The following ACCSL variants were observed in gnomAD, a reference collection of about 807,000 sequenced individuals.
ACCSL encodes 1-aminocyclopropane-1-carboxylate synthase homolog (inactive) like.
ACCSL carries 55 observed loss-of-function variants against 61.7 expected under a neutral mutation model. The ratio of observed to expected loss-of-function variants is 0.89; its 90% CI spans 0.72 to 1.12. The LOEUF is 1.12. Ranked by LOEUF, ACCSL falls within the 50% of genes most tolerant of loss-of-function variation. ACCSL has a pLI of 0.00. For missense variants in ACCSL, 632 were observed against 698.0 expected (o/e 0.91, Z 1.07); for synonymous variants, 258 against 264.3 (o/e 0.98, Z 0.23).
chr11:43,986,866 C>A, the ACCSL span, among the ~76,000 whole-genome samples: 2 of 152,148 alleles, frequency 1.3e-5, no homozygotes, highest in Non-Finnish European at 2.9e-5. Flanking sequence ...GTATGAGACA[C>A]CCCAATAAAC....
the ACCSL span, among the ~76,000 whole-genome samples, chr11:44,038,550 G>A: frequency 6.6e-6 from 1 of 152,122 alleles, no homozygotes; most frequent in South Asian, 2.1e-4. Context: ...GGGGGAACAA[G>A]AAATCCTGGT....
the ACCSL span, chr11:43,944,121 C>T: frequency 3.0e-6 from 1 of 331,032 alleles, no homozygotes; most frequent in Non-Finnish European, 5.8e-6. Flanking sequence ...TTCCCCATCG[C>T]CGGCATCCGG....
chr11:44,010,207 G>T, the ACCSL span, among the ~76,000 whole-genome samples: 1 of 152,146 alleles, frequency 6.6e-6, no homozygotes, highest in African/African-American at 2.4e-5. Flanking sequence ...AGGCATGGTG[G>T]CACATGCCTG....
chr11:44,021,914 G>C, the ACCSL span, among the ~76,000 whole-genome samples: 10 of 152,064 alleles, frequency 6.6e-5, no homozygotes, highest in African/African-American at 2.4e-4. Context: ...CTTTGTTGAA[G>C]ATAATTTGCT....
At chr11:44,006,989 A>G in the ACCSL span, among the ~76,000 whole-genome samples, 70 of 152,322 alleles carry the variant, frequency 4.6e-4, no homozygotes, top group Non-Finnish European at 9.0e-4. Context: ...GAATCCTCGT[A>G]GGCCTAGCTG....
chr11:43,997,062 C>T, the ACCSL span, among the ~76,000 whole-genome samples: 2 of 152,032 alleles, frequency 1.3e-5, no homozygotes, highest in African/African-American at 2.4e-5. Flanking sequence ...CCACCCGCCT[C>T]AGTCTCCCAA....
At chr11:43,938,699 A>C in the ACCSL span, among the ~76,000 whole-genome samples, 1 of 152,150 alleles carries the variant, frequency 6.6e-6, no homozygotes, top group South Asian at 2.1e-4. Context: ...GCTACTCGGG[A>C]GGCTGAGGTG....
the ACCSL span, among the ~76,000 whole-genome samples, chr11:43,980,697 C>T: frequency 2.6e-5 from 4 of 152,080 alleles, no homozygotes; most frequent in Admixed American, 2.6e-4. Flanking sequence ...ATTGTCCCTC[C>T]AATTTGTGGT....
chr11:43,930,628 C>G, the ACCSL span, among the ~76,000 whole-genome samples: 1 of 152,168 alleles, frequency 6.6e-6, no homozygotes, highest in African/African-American at 2.4e-5. Context: ...CAGAGCCAAG[C>G]AGATGCTAGT....
Position 44,059,885 on chromosome 11 carries a change from A to G in ACCSL, c.1672A>G (p.Ile558Val). The G allele has an allele frequency of 6.2e-7, 1 of 1,613,940 alleles. No individual in the cohort carries two copies. The highest frequency in any genetic ancestry group is 8.5e-7 in the Non-Finnish European group (1 of 1,179,866). The change falls in exon 14 of 14, where the codon ATA (isoleucine) becomes GTA (valine). Residue 558 changes from isoleucine to valine, a missense_variant. By Grantham distance (29) the Ile-to-Val change is conservative (BLOSUM62 3). Coordinates refer to ENST00000378832, the MANE Select transcript of ACCSL (RefSeq NM_001031854.2). ...GCTGCAGGAGCAGAAGGAGGCTTTG[A>G]TAGTGAAGCAGTTGGAGGATGCAAT... ...DVLQEQKEALIVKQLEDAMRE is the reference protein window; with the variant it reads ...DVLQEQKEALVVKQLEDAMRE
the ACCSL span, chr11:43,925,056 G>A: frequency 1.6e-5 from 3 of 186,998 alleles, no homozygotes; most frequent in Non-Finnish European, 3.4e-5. Context: ...CACCTGGAGT[G>A]AGAGGGAAAG....
chr11:44,052,982 C>T lies in ACCSL; in HGVS notation c.871-9C>T. ...AAGAGACACTTCTCACATAGTGTTT[C>T]TCTTCCAGGTCACTGTTACAAACAC... is the stretch of plus-strand genomic sequence containing the variant. On this transcript the variant is annotated splice_polypyrimidine_tract_variant and intron_variant, in intron 6 of 13. Coordinates refer to ENST00000378832, the MANE Select transcript of ACCSL (RefSeq NM_001031854.2). 6.2e-7 allele frequency: 1 copy of T among 1,612,642 alleles called. No homozygotes were observed. The highest frequency in any genetic ancestry group is 1.1e-5 in the South Asian group (1 of 91,044).
the ACCSL span, among the ~76,000 whole-genome samples, chr11:43,923,231 GACA>G: frequency 4.9e-4 from 74 of 152,190 alleles, no homozygotes; most frequent in Non-Finnish European, 1.0e-3. Context: ...AGAAAGTCTT[GACA>G]AACGACGGGT....
chr11:44,033,037 A>C, the ACCSL span, among the ~76,000 whole-genome samples: 2 of 152,268 alleles, frequency 1.3e-5, no homozygotes, highest in Non-Finnish European at 2.9e-5. Flanking sequence ...TGGTGAGTGC[A>C]CAGTGGAGTA....
chr11:43,955,495 G>A, the ACCSL span, among the ~76,000 whole-genome samples: 2 of 152,106 alleles, frequency 1.3e-5, no homozygotes, highest in Non-Finnish European at 2.9e-5. Flanking sequence ...GCCACACCAC[G>A]TGGAAGATGG....
intron 11 of ACCSL, among the ~76,000 whole-genome samples, 196 bp downstream of exon 11, chr11:44,056,522 T>C (rs1169562641): frequency 6.6e-6 from 1 of 152,126 alleles, no homozygotes; most frequent in East Asian, 1.9e-4. Flanking sequence ...AGGCAGAAGA[T>C]GGAGGTGCTG....
chr11:43,946,238 G>A, the ACCSL span, among the ~76,000 whole-genome samples: 36 of 152,068 alleles, frequency 2.4e-4, no homozygotes, highest in Non-Finnish European at 4.9e-4. Flanking sequence ...AGGCATGCCT[G>A]TGAGTAGTAG....
the ACCSL span, among the ~76,000 whole-genome samples, chr11:44,015,473 C>T: frequency 4.4e-4 from 67 of 152,280 alleles, no homozygotes; most frequent in African/African-American, 1.5e-3. Flanking sequence ...AGCTTAGCAT[C>T]GTGTAGGCAT....
At chr11:44,048,616 G>A (rs1952616231) in intron 1 of ACCSL, 76 bp downstream of exon 1, 1 of 1,400,572 alleles carries the variant, frequency 7.1e-7, no homozygotes, top group African/African-American at 1.4e-5. Context: ...CCTGGGCCAA[G>A]TGCTATATAT....
Sources: gnomAD v4.1 joint callset for allele counts (sites outside exome capture counted in the v4.1 genomes callset) on GRCh38, gnomAD v4.1.1 for gene constraint, MANE v1.5 for transcripts, NCBI Gene and HGNC (gene_info 2026-07-23, HGNC 2026-07-21) for gene names.